Variants in EYA2 observed in about 807,000 individuals in gnomAD.
EYA2 encodes EYA transcriptional coactivator and phosphatase 2, also known as protein phosphatase EYA2.
Under a neutral mutation model 69.2 loss-of-function variants are expected in EYA2, and 31 were observed. The observed-to-expected ratio is 0.45, with a 90% CI of 0.34 to 0.60. EYA2 has a LOEUF of 0.60. EYA2 is among the 20% of genes least tolerant of loss of function. The pLI is 0.02. For synonymous variants in EYA2, 257 were observed against 279.4 expected (o/e 0.92, Z 0.80); for missense variants, 622 against 701.2 (o/e 0.89, Z 1.28).
chr20:46,896,907 G>GT (rs1192871192), intron 1 of EYA2, among the ~76,000 whole-genome samples: 1 of 152,106 alleles, frequency 6.6e-6, no homozygotes, highest in East Asian at 1.9e-4. Flanking sequence ...TTGTGACCAT[G>GT]TGTATGAGAA....
intron 5 of EYA2, among the ~76,000 whole-genome samples, chr20:47,030,741 CA>C (rs1284496659): frequency 6.6e-6 from 1 of 151,882 alleles, no homozygotes; most frequent in Admixed American, 6.5e-5. Context: ...TTTGGGTTCA[CA>C]GAGAGAGAAA....
intron 5 of EYA2, among the ~76,000 whole-genome samples, chr20:47,024,954 G>A (rs1983993389): frequency 6.6e-6 from 1 of 152,158 alleles, no homozygotes; most frequent in Admixed American, 6.5e-5. Flanking sequence ...CAGCAAGCCT[G>A]GTATGAGTAC....
At chr20:46,975,330 C>A (rs1421947953) in intron 1 of EYA2, among the ~76,000 whole-genome samples, 1 of 152,156 alleles carries the variant, frequency 6.6e-6, no homozygotes, top group Non-Finnish European at 1.5e-5. Flanking sequence ...CAGGACCTTT[C>A]TGTACTATGT....
intron 7 of EYA2, among the ~76,000 whole-genome samples, chr20:47,077,106 C>T (rs895686331): frequency 1.3e-5 from 2 of 152,116 alleles, no homozygotes; most frequent in Non-Finnish European, 2.9e-5. Flanking sequence ...GAGGTGATCA[C>T]CTCAAAAAAC....
intron 9 of EYA2, among the ~76,000 whole-genome samples, chr20:47,115,291 G>A (rs537428547): frequency 7.2e-5 from 11 of 152,252 alleles, no homozygotes; most frequent in African/African-American, 2.4e-4. Flanking sequence ...CCAGCTCATC[G>A]CTGCCGTCTT....
intron 15 of EYA2, among the ~76,000 whole-genome samples, chr20:47,185,956 A>G (rs546662405): frequency 6.6e-6 from 1 of 152,234 alleles, no homozygotes; most frequent in East Asian, 1.9e-4. Flanking sequence ...ATTGCATTCC[A>G]AGCTCAACCT....
At chr20:47,139,783 T>C (rs764045364) in intron 9 of EYA2, among the ~76,000 whole-genome samples, 8 of 152,028 alleles carry the variant, frequency 5.3e-5, no homozygotes, top group Non-Finnish European at 8.8e-5. Context: ...ATTCTTTTTT[T>C]CCCCCCATTG....
intron 1 of EYA2, among the ~76,000 whole-genome samples, chr20:46,958,115 C>T (rs1979246297): frequency 6.6e-6 from 1 of 152,172 alleles, no homozygotes; most frequent in Non-Finnish European, 1.5e-5. Context: ...ACTTTATTCT[C>T]ACCATCACAC....
intron 5 of EYA2, among the ~76,000 whole-genome samples, chr20:47,020,591 AAG>A (rs553329312): frequency 1.4e-4 from 21 of 152,078 alleles, no homozygotes; most frequent in Non-Finnish European, 2.2e-4. Context: ...AAAGATTAAA[AAG>A]AGGGGGAAAA....
chr20:46,946,361 T>C (rs544059033), intron 1 of EYA2, among the ~76,000 whole-genome samples: 1 of 152,356 alleles, frequency 6.6e-6, no homozygotes, highest in East Asian at 1.9e-4. Flanking sequence ...AACTCATTTC[T>C]TGAGCATCAC....
intron 9 of EYA2, among the ~76,000 whole-genome samples, chr20:47,118,236 C>T (rs1234871825): frequency 1.3e-5 from 2 of 152,242 alleles, no homozygotes; most frequent in East Asian, 1.9e-4. Context: ...AATCTCTCTT[C>T]CCCCTTCCCT....
intron 9 of EYA2, among the ~76,000 whole-genome samples, chr20:47,119,872 G>A (rs2032999554): frequency 1.3e-5 from 2 of 152,064 alleles, no homozygotes; most frequent in African/African-American, 4.8e-5. Context: ...TTTGAGACCA[G>A]CCTGGGCAAC....
chr20:46,984,781 A>G (rs2146318494), intron 1 of EYA2, among the ~76,000 whole-genome samples: 1 of 152,344 alleles, frequency 6.6e-6, no homozygotes, highest in East Asian at 1.9e-4. Flanking sequence ...ATAGGGAGAG[A>G]TACTGCATTT....
intron 14 of EYA2, among the ~76,000 whole-genome samples, chr20:47,182,395 A>G (rs2034554457): frequency 1.3e-5 from 2 of 151,000 alleles, no homozygotes; most frequent in African/African-American, 4.9e-5. Flanking sequence ...TGGGAGGACG[A>G]GGCAGGTGGA....
intron 1 of EYA2, among the ~76,000 whole-genome samples, chr20:46,931,558 T>A (rs1985668279): frequency 1.3e-5 from 2 of 152,142 alleles, no homozygotes; most frequent in Non-Finnish European, 2.9e-5. Context: ...TGAAATGAGA[T>A]CACGTGAGCG....
At chr20:47,107,818 G>A (rs1037999004) in intron 9 of EYA2, among the ~76,000 whole-genome samples, 1 of 151,952 alleles carries the variant, frequency 6.6e-6, no homozygotes, top group Middle Eastern at 3.2e-3. Flanking sequence ...GAAGGGGAAA[G>A]AAGAAGAAAT....
chr20:47,182,739 C>T (rs1049185288), intron 14 of EYA2, among the ~76,000 whole-genome samples: 7 of 151,894 alleles, frequency 4.6e-5, no homozygotes, highest in Non-Finnish European at 1.0e-4. Flanking sequence ...AGTTCGAGAC[C>T]AGCCTGGCCA....
At chr20:47,174,532 C>T (rs1019165337) in intron 12 of EYA2, among the ~76,000 whole-genome samples, 10 of 152,206 alleles carry the variant, frequency 6.6e-5, no homozygotes, top group African/African-American at 2.4e-4. Context: ...CCTGCGTCTT[C>T]TACTGTCCCT....
chr20:47,078,420 T>C (rs2031605482), intron 7 of EYA2, among the ~76,000 whole-genome samples: 1 of 152,128 alleles, frequency 6.6e-6, no homozygotes, highest in Non-Finnish European at 1.5e-5. Flanking sequence ...TTATCCAGGA[T>C]ATCCTTGAGT....
Sources: gnomAD v4.1 joint callset for allele counts (sites outside exome capture counted in the v4.1 genomes callset) on GRCh38, gnomAD v4.1.1 for gene constraint, MANE v1.5 for transcripts, NCBI Gene and HGNC (gene_info 2026-07-23, HGNC 2026-07-21) for gene names.